NEDD1: variants seen among roughly 807,000 people sequenced by gnomAD.
The protein encoded by NEDD1 is protein NEDD1.
Under a neutral mutation model 74.0 loss-of-function variants are expected in NEDD1, and 33 were observed. The ratio of observed to expected loss-of-function variants is 0.45; its 90% CI spans 0.34 to 0.60. The LOEUF (loss-of-function observed/expected upper bound fraction) is 0.60. Ranked by LOEUF, NEDD1 falls within the 20% of genes least tolerant of loss-of-function variation. The probability of loss-of-function intolerance (pLI) is 0.01; values close to 1 mark genes in which losing one functional copy is unlikely to be tolerated. For synonymous variants in NEDD1, 250 were observed against 264.4 expected (o/e 0.95, Z 0.53); for missense variants, 746 against 776.5 (o/e 0.96, Z 0.47).
In NEDD1 at chr12:96,951,447, G is replaced by A. The variant is rs1457469360; in HGVS notation, c.1827G>A (p.Arg609=). ...TLDDFREACH[R]DIVNLQVEMI... is the part of the protein sequence containing the mutation. The stretch of plus-strand genomic sequence containing the variant: ...TTCTTCCTAGAGAAGCATGCCATAG[G>A]GACATTGTGAATTTGCAAGTGGAGA... Residue 609 remains arginine, a synonymous_variant, in exon 15 of 16, where the codon AGG becomes AGA. Coordinates refer to ENST00000266742, the MANE Select transcript of NEDD1 (RefSeq NM_152905.4). 3.8e-6 allele frequency: 6 copies of A among 1,569,244 alleles called. No individual in the cohort carries two copies. The highest frequency in any genetic ancestry group is 1.7e-6 in the Non-Finnish European group (2 of 1,144,036).
In NEDD1 at chr12:96,909,808, T is replaced by G; in HGVS notation, c.49T>G (p.Trp17Gly). Residue 17 changes from tryptophan to glycine, a missense_variant, in exon 3 of 16, where the codon TGG (tryptophan) becomes GGG (glycine). By Grantham distance (184) the Trp-to-Gly change is radical (BLOSUM62 -2). This residue lies in a region of NEDD1 where 11 missense variants were observed against 19.0 expected (regional missense o/e 0.58). Coordinates refer to ENST00000266742, the MANE Select transcript of NEDD1 (RefSeq NM_152905.4). ...FASSGDDIKI[W>G]DASSMTLVDK... ...TTCATCAGGAGATGATATTAAAATA[T>G]GGGATGCTTCATCTATGACATTGGT... 6.2e-7 allele frequency: 1 copy of G among 1,613,632 alleles called. No homozygotes were observed. The highest frequency in any genetic ancestry group is 1.3e-5 in the African/African-American group (1 of 75,024).
chr12:96,907,579 A>C (rs540007723), intron 1 of NEDD1, 25 bp from the exon 2 acceptor site: 14 of 1,549,312 alleles, frequency 9.0e-6, no homozygotes, highest in Non-Finnish European at 1.1e-5. Context: ...TTTTTTGTCA[A>C]CCTCAAGTAC....
intron 6 of NEDD1, among the ~76,000 whole-genome samples, chr12:96,922,460 A>T (rs563909409): frequency 7.9e-5 from 12 of 152,294 alleles, no homozygotes; most frequent in South Asian, 2.1e-4. Flanking sequence ...TGACTTTTCA[A>T]TACCATAAAA....
chr12:96,919,071 T>C (rs1874779659), intron 5 of NEDD1, among the ~76,000 whole-genome samples: 1 of 152,236 alleles, frequency 6.6e-6, no homozygotes, highest in Non-Finnish European at 1.5e-5. Flanking sequence ...TATTGAGATA[T>C]GGCATCTTCC....
intron 3 of NEDD1, among the ~76,000 whole-genome samples, chr12:96,911,321 T>G (rs1873895263): frequency 6.6e-6 from 1 of 152,244 alleles, no homozygotes; most frequent in African/African-American, 2.4e-5. Flanking sequence ...ATGTGCTACT[T>G]AATAGTCTAA....
At position 96,920,084 on chromosome 12, in the gene NEDD1, A is replaced by G; in HGVS notation, c.448A>G (p.Thr150Ala). ...TGAAATTATTTTACACAGTGTAACC[A>G]CTAATTTATCTAGTACTCCTTTTGG... ...SGEIILHSVT[T>A]NLSSTPFGHG... Residue 150 changes from threonine to alanine, a missense_variant, in exon 6 of 16, where the codon ACT becomes GCT. Transcript: ENST00000266742. 1 of 1,606,276 alleles carries G rather than the reference A, an allele frequency of 6.2e-7. No homozygotes were observed. Among genetic ancestry groups the G allele is most frequent in the Non-Finnish European group, 8.5e-7 (1 of 1,173,968 alleles).
At position 96,945,784 on chromosome 12, in the gene NEDD1, A is replaced by T; in HGVS notation, c.1746A>T (p.Ala582=). 2.5e-6 allele frequency: 4 copies of T among 1,611,686 alleles called. No individual in the cohort carries two copies. Among genetic ancestry groups the T allele is most frequent in the Non-Finnish European group, 3.4e-6 (4 of 1,177,774 alleles). The change falls in exon 14 of 16, where the codon GCA becomes GCT. Residue 582 remains alanine, a synonymous_variant. Transcript: ENST00000266742. ...ADSIGNNRQN[A]PLTSIQIRFI... The stretch of plus-strand genomic sequence containing the variant: ...GCATTGGAAATAACCGGCAAAATGC[A>T]CCATTGACTTCCATTCAAATTCGTT...
chr12:96,932,023 A>G (rs557805976), intron 6 of NEDD1, among the ~76,000 whole-genome samples: 105 of 152,198 alleles, frequency 6.9e-4, no homozygotes, highest in African/African-American at 2.5e-3. Context: ...TCATCTATAT[A>G]TTGTCTGTAA....
intron 6 of NEDD1, among the ~76,000 whole-genome samples, chr12:96,932,451 A>ATATATAT (rs1276961236): frequency 7.3e-5 from 1 of 13,776 alleles, no homozygotes; most frequent in Non-Finnish European, 1.6e-4. Flanking sequence ...TTAAAAAAAA[A>ATATATAT]AAAAAAAAAA....
At chr12:96,936,854 A>C (rs1877156107) in intron 8 of NEDD1, 42 bp downstream of exon 8, 2 of 1,234,646 alleles carry the variant, frequency 1.6e-6, no homozygotes, top group African/African-American at 3.0e-5. Flanking sequence ...TTATTAAATA[A>C]ATCTAACTCA....
intron 15 of NEDD1, 111 bp from the exon 16 acceptor site, chr12:96,951,838 C>A (rs1878732896): frequency 1.6e-6 from 1 of 629,136 alleles, no homozygotes; most frequent in Non-Finnish European, 2.8e-6. Flanking sequence ...AAATATCATT[C>A]ACCTAGTTAA....
At chr12:96,926,029 GGAT>G (rs1875654833) in intron 6 of NEDD1, among the ~76,000 whole-genome samples, 1 of 151,608 alleles carries the variant, frequency 6.6e-6, no homozygotes, top group Admixed American at 6.6e-5. Context: ...ACTTTCAAAG[GGAT>G]TTTTTTTTTT....
rs2093740845 is a variant in NEDD1, at chr12:96,952,464, AT to A, written c.*416del. 1 of 152,666 alleles carries A rather than the reference AT, an allele frequency of 6.6e-6. No homozygotes were observed. The highest frequency in any genetic ancestry group is 2.4e-5 in the African/African-American group (1 of 41,400). 9.5% of individuals were successfully genotyped at this position (152,666 alleles called of 1,614,324 possible). On this transcript the variant is annotated 3_prime_UTR_variant, in exon 16 of 16. Transcript: ENST00000266742. ...ATTTAAAGAGTTTGATATGCCTTCT[AT>A]TTTTATGGAGAAAGTAATTTTAAAA...
At chr12:96,923,654 T>A (rs928802856) in intron 6 of NEDD1, among the ~76,000 whole-genome samples, 7 of 152,216 alleles carry the variant, frequency 4.6e-5, no homozygotes, top group African/African-American at 1.7e-4. Context: ...TGCCCATTTT[T>A]ATGTTGGGTT....
intron 12 of NEDD1, 44 bp downstream of exon 12, chr12:96,943,806 C>A: frequency 7.5e-7 from 1 of 1,339,384 alleles, no homozygotes; most frequent in Non-Finnish European, 1.1e-6. Flanking sequence ...ATGTGTTTAT[C>A]AGTAGAAAGT....
Position 96,953,245 on chromosome 12 carries a change from C to T in NEDD1, c.*1192C>T, listed in dbSNP as rs1260511001. The T allele has an allele frequency of 6.7e-6, 1 of 150,290 alleles. No homozygotes were observed. Among genetic ancestry groups the T allele is most frequent in the Admixed American group, 6.6e-5 (1 of 15,046 alleles). 9.3% of individuals were successfully genotyped at this position (150,290 alleles called of 1,614,324 possible). On this transcript the variant is annotated 3_prime_UTR_variant, in exon 16 of 16. Transcript: ENST00000266742. ...AAACAAAAAACAAACCTTTAGCTCACTAACTTTATGGGTTTCTGAAGTGAT... is the reference window on the plus strand; with the variant it reads ...AAACAAAAAACAAACCTTTAGCTCATTAACTTTATGGGTTTCTGAAGTGAT...
chr12:96,907,522 G>A, intron 1 of NEDD1, 82 bp from the exon 2 acceptor site: 3 of 1,142,458 alleles, frequency 2.6e-6, no homozygotes, highest in South Asian at 1.3e-5. Context: ...GCCTTGTGGG[G>A]TGTGCTGCCT....
rs1037305612 is a variant in NEDD1 at position 96,945,774 on chromosome 12, G to T, written c.1736G>T (p.Arg579Leu). Residue 579 changes from arginine to leucine, a missense_variant, in exon 14 of 16, where the codon CGG becomes CTG. By Grantham distance (102) the Arg-to-Leu change is moderately radical. Transcript: ENST00000266742. ...EKIADSIGNN[R>L]QNAPLTSIQI... ...ATAGCCGACAGCATTGGAAATAACC[G>T]GCAAAATGCACCATTGACTTCCATT... The T allele has an allele frequency of 6.2e-7, 1 of 1,610,446 alleles. No homozygotes were observed. The highest frequency in any genetic ancestry group is 1.3e-5 in the African/African-American group (1 of 74,806).
intron 9 of NEDD1, among the ~76,000 whole-genome samples, chr12:96,940,088 A>C (rs1403829450): frequency 6.6e-6 from 1 of 152,090 alleles, no homozygotes; most frequent in Non-Finnish European, 1.5e-5. Context: ...AGAGCAGCAA[A>C]GTATATAAAT....
Sources: allele counts gnomAD v4.1 joint callset (sites outside exome capture counted in the v4.1 genomes callset), GRCh38; gene constraint gnomAD v4.1.1; regional missense constraint gnomAD v4.1.1; transcripts MANE v1.5; gene names NCBI Gene and HGNC (gene_info 2026-07-23, HGNC 2026-07-21).